MAVS: variants seen among roughly 807,000 people sequenced by gnomAD.
MAVS encodes mitochondrial antiviral-signaling protein.
MAVS carries 20 observed loss-of-function variants against 30.2 expected under a neutral mutation model. The observed-to-expected ratio is 0.66, with a 90% CI of 0.47 to 0.96. The LOEUF (loss-of-function observed/expected upper bound fraction) is 0.96. Ranked by LOEUF, MAVS falls within the 40% of genes least tolerant of loss-of-function variation. MAVS has a pLI of 0.00. For synonymous variants in MAVS, 278 were observed against 293.9 expected (o/e 0.95, Z 0.55); for missense variants, 624 against 701.1 (o/e 0.89, Z 1.24).
At chr20:3,857,960 G>GA (rs1201554096) in intron 3 of MAVS, 151 bp downstream of exon 3, 1 of 855,438 alleles carries the variant, frequency 1.2e-6, no homozygotes, top group East Asian at 2.7e-5. Context: ...GATCCAGGCT[G>GA]AGCCACTTAC....
In MAVS at chr20:3,870,430, A is replaced by G. The variant is rs949736708; in HGVS notation, c.*4283A>G. The G allele has an allele frequency of 1.3e-5, 2 of 152,124 alleles. No individual in the cohort carries two copies. The highest frequency in any genetic ancestry group is 2.9e-5 in the Non-Finnish European group (2 of 68,002). The allele number at this position is 152,124 out of a possible 1,614,324, so 9.4% of individuals were successfully genotyped here. ...ATGCGTGGACTCTGCCTGGTGATAG[A>G]CTGAAGCCAGAACAGTGCCACACCC... On this transcript the variant is annotated 3_prime_UTR_variant, in exon 7 of 7. Coordinates refer to ENST00000428216, the MANE Select transcript of MAVS (RefSeq NM_020746.5).
rs1568537871 is a variant in MAVS at position 3,864,799 on chromosome 20, GC to G, written c.1158+14del. 6.2e-7 allele frequency: 1 copy of G among 1,608,454 alleles called. No individual in the cohort carries two copies. Among genetic ancestry groups the G allele is most frequent in the African/African-American group, 1.3e-5 (1 of 74,888 alleles). ...AGCAGCAGAAATGAGGTGAGTCCTC[GC>G]CCTTCCTGGCAGGGATCCTGGCCCC... On this transcript the variant is annotated intron_variant, in intron 6 of 6. Coordinates refer to ENST00000428216, the MANE Select transcript of MAVS (RefSeq NM_020746.5).
chr20:3,853,396 G>C (rs2089780483), intron 1 of MAVS, among the ~76,000 whole-genome samples: 2 of 150,988 alleles, frequency 1.3e-5, no homozygotes, highest in Admixed American at 6.6e-5. Context: ...TGAGGCAGGA[G>C]AATGGCGTGA....
chr20:3,855,545 T>C (rs1454341081), intron 2 of MAVS, among the ~76,000 whole-genome samples: 1 of 152,082 alleles, frequency 6.6e-6, no homozygotes, highest in Non-Finnish European at 1.5e-5. Context: ...CCCTCCCCGT[T>C]GTAGCTGCTG....
chr20:3,861,604 A>C, intron 4 of MAVS, 100 bp downstream of exon 4: 2 of 1,232,532 alleles, frequency 1.6e-6, no homozygotes, highest in Non-Finnish European at 2.3e-6. Flanking sequence ...TCCCCTATAA[A>C]TCACGCCTAA....
At chr20:3,858,019 C>T (rs769339908) in intron 3 of MAVS, 7 of 612,054 alleles carry the variant, frequency 1.1e-5, no homozygotes, top group South Asian at 1.9e-5. Context: ...AGCCTCAGGC[C>T]TCTCTTCTGT....
At position 3,872,188 on chromosome 20, in the gene MAVS, C is replaced by G. The variant is rs1446078462; in HGVS notation, c.*6041C>G. 1 of 152,420 alleles carries G rather than the reference C, an allele frequency of 6.6e-6. No homozygotes were observed. The highest frequency in any genetic ancestry group is 1.5e-5 in the Non-Finnish European group (1 of 68,212). 9.4% of individuals were successfully genotyped at this position (152,420 alleles called of 1,614,324 possible). A position where few individuals can be genotyped will look rare whatever the true frequency, so the allele number is the denominator to read the frequency against. ...GAGGTGGTGGATCATACCTATAATC[C>G]CAGCACTTTGGGAGACCAAGGCAGA... On this transcript the variant is annotated 3_prime_UTR_variant, in exon 7 of 7. Transcript: ENST00000428216.
intron 3 of MAVS, among the ~76,000 whole-genome samples, chr20:3,858,445 C>T (rs903958671): frequency 3.3e-5 from 5 of 151,936 alleles, no homozygotes; most frequent in South Asian, 4.2e-4. Flanking sequence ...TTTGGGAGGC[C>T]GAGGCAGGCG....
rs550425710 is a variant in MAVS at position 3,859,817 on chromosome 20, G to T, written c.293-1515G>T. Among the ~76,000 whole-genome samples, 78 of 151,766 alleles carry T rather than the reference G, an allele frequency of 5.1e-4. 1 individual carries two copies. The highest frequency in any genetic ancestry group is 1.8e-3 in the African/African-American group (75 of 41,424). ...CCTGCCCCCTTGCCAAGTGATGCTT[G>T]TCACTCCTTTTTTTTTTGAAATGGA... On this transcript the variant is annotated intron_variant, in intron 3 of 6. Coordinates refer to ENST00000428216, the MANE Select transcript of MAVS (RefSeq NM_020746.5).
intron 5 of MAVS, among the ~76,000 whole-genome samples, chr20:3,863,485 G>T (rs1297201078): frequency 6.6e-6 from 1 of 152,216 alleles, no homozygotes; most frequent in African/African-American, 2.4e-5. Flanking sequence ...TGCCTTTCAG[G>T]AGTTGCTGTA....
At position 3,875,668 on chromosome 20, in the gene MAVS, C is replaced by T. The variant is rs572117425; in HGVS notation, c.*9521C>T. 1.1e-3 allele frequency: 166 copies of T among 152,442 alleles called. 2 individuals carry two copies. The highest frequency in any genetic ancestry group is 1.3e-3 in the Non-Finnish European group (89 of 68,038). 9.4% of individuals were successfully genotyped at this position (152,442 alleles called of 1,614,324 possible). A position where few individuals can be genotyped will look rare whatever the true frequency, so the allele number is the denominator to read the frequency against. On this transcript the variant is annotated 3_prime_UTR_variant, in exon 7 of 7. Coordinates refer to ENST00000428216, the MANE Select transcript of MAVS (RefSeq NM_020746.5). ...GCATCCGCAGCCAGCTCCCACTTTC[C>T]TCACCCTCCAGGACCTGTAAACTGT...
In MAVS at chr20:3,861,349, C is replaced by G. The variant is rs772287184; in HGVS notation, c.310C>G (p.Pro104Ala). 1.9e-6 allele frequency: 3 copies of G among 1,613,712 alleles called. No individual in the cohort carries two copies. The highest frequency in any genetic ancestry group is 2.5e-6 in the Non-Finnish European group (3 of 1,179,800). ...TCCTCTAGGGACCTCGGACCGTCCC[C>G]CAGACCCACTGGAGCCACCGTCACT... Reference protein sequence around the residue: ...SYQPRTSDRPPDPLEPPSLPA... With the variant: ...SYQPRTSDRPADPLEPPSLPA... Residue 104 changes from proline (P) to alanine (A), a missense_variant, in exon 4 of 7, where the codon CCA becomes GCA. Transcript: ENST00000428216.
Position 3,866,126 on chromosome 20 carries a change from G to A in MAVS, c.1602G>A (p.Leu534=), listed in dbSNP as rs139023166. The change falls in exon 7 of 7, where the codon CTG becomes CTA. Residue 534 remains leucine (L), a synonymous_variant. Coordinates refer to ENST00000428216, the MANE Select transcript of MAVS (RefSeq NM_020746.5). ...TGGTAGTCACACTCCTGGTGGTGCTGTACCGGCGGCGTCTGCACTAGTGAA... is the reference window on the plus strand; with the variant it reads ...TGGTAGTCACACTCCTGGTGGTGCTATACCGGCGGCGTCTGCACTAGTGAA... ...GVLVVTLLVV[L]YRRRLH 1.3e-6 allele frequency: 2 copies of A among 1,596,644 alleles called. No individual in the cohort carries two copies. Among genetic ancestry groups the A allele is most frequent in the South Asian group, 1.1e-5 (1 of 90,638 alleles).
In MAVS at chr20:3,865,236, T is replaced by G. The variant is rs1391564463; in HGVS notation, c.1159-447T>G. On this transcript the variant is annotated intron_variant, in intron 6 of 6. Coordinates refer to ENST00000428216, the MANE Select transcript of MAVS (RefSeq NM_020746.5). The surrounding 1 kb of genome is among the most constrained non-coding windows in gnomAD (Gnocchi z 4.7). ...ACGCAGTCCCACCTGGAGCAGCCACTCGGACCCAGCAGCCCCCCATTGTTG... is the reference window on the plus strand; with the variant it reads ...ACGCAGTCCCACCTGGAGCAGCCACGCGGACCCAGCAGCCCCCCATTGTTG... Among the ~76,000 whole-genome samples, 1 of 152,106 alleles carries G rather than the reference T, an allele frequency of 6.6e-6. No individual in the cohort carries two copies. Among genetic ancestry groups the G allele is most frequent in the East Asian group, 1.9e-4 (1 of 5,190 alleles).
chr20:3,850,885 CA>C (rs35643330), intron 1 of MAVS, among the ~76,000 whole-genome samples: 40,421 of 93,400 alleles, frequency 0.43, 6,248 homozygotes, highest in East Asian at 0.67. Flanking sequence ...AACTCCGTCT[CA>C]AAAAAAAAAA....
In MAVS at chr20:3,854,717, G is replaced by C; in HGVS notation, c.93G>C (p.Leu31=). The C allele has an allele frequency of 2.5e-6, 4 of 1,613,618 alleles. No homozygotes were observed. The highest frequency in any genetic ancestry group is 3.4e-6 in the Non-Finnish European group (4 of 1,179,718). The change falls in exon 2 of 7, where the codon CTG becomes CTC. Residue 31 remains leucine (L), a synonymous_variant. Transcript: ENST00000428216. ...NVDVVEILPY[L]PCLTARDQDR... Reference sequence around the variant, plus strand: ...ATGTTGTAGAGATTCTGCCTTACCTGCCCTGCCTCACAGCAAGAGACCAGG... The same window carrying C: ...ATGTTGTAGAGATTCTGCCTTACCTCCCCTGCCTCACAGCAAGAGACCAGG...
chr20:3,874,256 G>A lies in MAVS; in HGVS notation c.*8109G>A, dbSNP rs1311565618. On this transcript the variant is annotated 3_prime_UTR_variant, in exon 7 of 7. Transcript: ENST00000428216. ...AACTGATCCATGGTGTTAGAAGCCA[G>A]GGGAACAGTTAACAGGGGAGGGATA... 1 of 398,602 alleles carries A rather than the reference G, an allele frequency of 2.5e-6. No homozygotes were observed. Among genetic ancestry groups the A allele is most frequent in the Non-Finnish European group, 4.4e-6 (1 of 226,052 alleles). The allele number at this position is 398,602 out of a possible 1,614,324, so 24.7% of individuals were successfully genotyped here.
intron 3 of MAVS, among the ~76,000 whole-genome samples, chr20:3,860,016 A>C (rs544856398): frequency 7.3e-5 from 11 of 151,704 alleles, no homozygotes; most frequent in Non-Finnish European, 1.2e-4. Context: ...ATGGGGTTTC[A>C]CCGTGTTAGC....
intron 1 of MAVS, among the ~76,000 whole-genome samples, chr20:3,852,750 G>A (rs549979626): frequency 2.6e-5 from 4 of 151,608 alleles, no homozygotes; most frequent in Admixed American, 1.3e-4. Context: ...GGCTGGCCTC[G>A]AACAGCTGGG....
Sources: gnomAD v4.1 joint callset for allele counts (sites outside exome capture counted in the v4.1 genomes callset) on GRCh38, gnomAD v4.1.1 for gene constraint, Gnocchi (gnomAD v3.1) non-coding constraint, MANE v1.5 for transcripts, NCBI Gene and HGNC (gene_info 2026-07-23, HGNC 2026-07-21) for gene names.